The following EMCN variants were observed in gnomAD, a reference collection of about 807,000 sequenced individuals.
EMCN encodes MUC-14.
In EMCN, 37 loss-of-function variants were observed where a neutral mutation model predicts 38.4. The ratio of observed to expected loss-of-function variants is 0.96; its 90% CI spans 0.74 to 1.27. The LOEUF (loss-of-function observed/expected upper bound fraction) is 1.27, where lower values mean the gene tolerates loss of function less well. Among genes scored for constraint, EMCN ranks in the 50% most tolerant of loss-of-function variants. The pLI is 0.00. For synonymous variants in EMCN, 95 were observed against 100.8 expected (o/e 0.94, Z 0.35); for missense variants, 318 against 302.8 (o/e 1.05, Z -0.37).
At chr4:100,423,549 T>G in intron 5 of EMCN, 145 bp from the exon 6 acceptor site, 1 of 625,958 alleles carries the variant, frequency 1.6e-6, no homozygotes, top group Non-Finnish European at 2.9e-6. Flanking sequence ...ATCATAACAC[T>G]AAACCATAAG....
chr4:100,442,043 T>A (rs1167168266), intron 5 of EMCN, among the ~76,000 whole-genome samples: 1 of 152,174 alleles, frequency 6.6e-6, no homozygotes, highest in Non-Finnish European at 1.5e-5. Context: ...AGATTCCCAT[T>A]TGAAGAACTC....
intron 5 of EMCN, among the ~76,000 whole-genome samples, chr4:100,433,371 CTT>C (rs1272896197): frequency 3.3e-5 from 5 of 152,124 alleles, no homozygotes; most frequent in East Asian, 1.9e-4. Context: ...TTAACAGACA[CTT>C]TTAGTTTCTA....
intron 5 of EMCN, among the ~76,000 whole-genome samples, chr4:100,429,913 T>C (rs1185249045): frequency 3.3e-5 from 5 of 152,118 alleles, no homozygotes; most frequent in Non-Finnish European, 7.4e-5. Context: ...AAGCCAAATA[T>C]GACTCAAAAC....
At position 100,517,862 on chromosome 4, in the gene EMCN, C is replaced by T. The variant is rs1729799608; in HGVS notation, c.53G>A (p.Ser18Asn). The T allele has an allele frequency of 6.2e-7, 1 of 1,612,676 alleles. No individual in the cohort carries two copies. The highest frequency in any genetic ancestry group is 8.5e-7 in the Non-Finnish European group (1 of 1,178,956). ...AGAGACAAAAATACCTGTGCTGTTA[C>T]TGCTGCAAATACTGGGCAGAAGAAA... is the stretch of plus-strand genomic sequence containing the variant. ...ILFLLPSICSSNSTGVLEAAN... is the reference protein window; with the variant it reads ...ILFLLPSICSNNSTGVLEAAN... The change falls in exon 1 of 12, where the codon AGT becomes AAT. Residue 18 changes from serine to asparagine, a missense_variant. Physicochemically the swap from Ser to Asn is conservative, Grantham distance 46. Coordinates refer to ENST00000296420, the MANE Select transcript of EMCN (RefSeq NM_016242.4).
At chr4:100,447,662 T>C (rs903110232) in intron 4 of EMCN, 91 bp from the exon 5 acceptor site, 5 of 745,246 alleles carry the variant, frequency 6.7e-6, no homozygotes, top group Admixed American at 4.9e-5. Flanking sequence ...TAAATGAGTA[T>C]GAATTTTAGC....
intron 1 of EMCN, among the ~76,000 whole-genome samples, chr4:100,495,004 AT>A (rs145986108): frequency 0.057 from 8,654 of 151,926 alleles, 315 homozygotes; most frequent in Middle Eastern, 0.082. Flanking sequence ...GCTAATGTGA[AT>A]TTAAAAAAAA....
intron 3 of EMCN, among the ~76,000 whole-genome samples, chr4:100,468,517 A>G (rs1375639566): frequency 6.6e-6 from 1 of 152,166 alleles, no homozygotes; most frequent in African/African-American, 2.4e-5. Flanking sequence ...TCTGATGCCC[A>G]TAGGAAAAAT....
At chr4:100,424,237 T>A (rs1243201845) in intron 5 of EMCN, among the ~76,000 whole-genome samples, 1 of 152,144 alleles carries the variant, frequency 6.6e-6, no homozygotes, top group Non-Finnish European at 1.5e-5. Context: ...AATTTGTACT[T>A]AGAAAACTTT....
rs1000162248 is a variant in EMCN at position 100,482,678 on chromosome 4, G to T, written c.65-2639C>A. On this transcript the variant is annotated intron_variant, in intron 1 of 11. Coordinates refer to ENST00000296420, the MANE Select transcript of EMCN (RefSeq NM_016242.4). ...AACTGTAGAGGACCATGAACACCCA[G>T]ACCAAGATTTAAGATTTTATCAAGT... is the stretch of plus-strand genomic sequence containing the variant. Among the ~76,000 whole-genome samples the T allele has an allele frequency of 1.1e-4, 16 of 152,064 alleles. No homozygotes were observed. The East Asian group carries it at 2.9e-3, about 28-fold the overall frequency.
At chr4:100,437,203 C>A (rs1727379558) in intron 5 of EMCN, among the ~76,000 whole-genome samples, 1 of 152,168 alleles carries the variant, frequency 6.6e-6, no homozygotes, top group Non-Finnish European at 1.5e-5. Flanking sequence ...TTTGCATGCA[C>A]ATGTTGGCAA....
intron 11 of EMCN, among the ~76,000 whole-genome samples, chr4:100,409,537 A>T (rs1166350732): frequency 6.6e-6 from 1 of 152,154 alleles, no homozygotes; most frequent in Non-Finnish European, 1.5e-5. Flanking sequence ...ATTGATTCAC[A>T]ATTATTGTAG....
At chr4:100,398,608 C>T (rs1214336286) in intron 11 of EMCN, among the ~76,000 whole-genome samples, 2 of 152,118 alleles carry the variant, frequency 1.3e-5, no homozygotes, top group African/African-American at 4.8e-5. Context: ...TTCACAATCT[C>T]AATCTTTGGT....
intron 1 of EMCN, among the ~76,000 whole-genome samples, chr4:100,491,208 C>A (rs1201239962): frequency 6.6e-6 from 1 of 152,050 alleles, no homozygotes; most frequent in Non-Finnish European, 1.5e-5. Context: ...TGTGGGGGAT[C>A]AAATATAAAA....
chr4:100,426,748 A>AT (rs930549044), intron 5 of EMCN, among the ~76,000 whole-genome samples: 2 of 151,786 alleles, frequency 1.3e-5, no homozygotes, highest in Non-Finnish European at 2.9e-5. Context: ...TTTATTTTCC[A>AT]TTTTTTTTGG....
At chr4:100,513,057 A>AT (rs896286832) in intron 1 of EMCN, among the ~76,000 whole-genome samples, 1 of 152,050 alleles carries the variant, frequency 6.6e-6, no homozygotes, top group Non-Finnish European at 1.5e-5. Context: ...TTAAATATTC[A>AT]TTTTTTTCTT....
At chr4:100,417,205 C>A (rs1726761529) in intron 8 of EMCN, 64 bp from the exon 9 acceptor site, 1 of 1,331,594 alleles carries the variant, frequency 7.5e-7, no homozygotes, top group East Asian at 2.3e-5. Flanking sequence ...TATGAGCAAG[C>A]CCCTCTAACC....
intron 4 of EMCN, among the ~76,000 whole-genome samples, chr4:100,456,154 T>C (rs993177746): frequency 1.3e-5 from 2 of 152,156 alleles, no homozygotes; most frequent in African/African-American, 2.4e-5. Flanking sequence ...TGAAATTGTA[T>C]GTATCTTAGG....
chr4:100,418,582 C>G (rs907721664), intron 8 of EMCN, among the ~76,000 whole-genome samples: 2 of 152,012 alleles, frequency 1.3e-5, no homozygotes, highest in African/African-American at 4.8e-5. Context: ...CTTCTACTCT[C>G]TAGCTCCATG....
chr4:100,452,326 T>C (rs1727866435), intron 4 of EMCN, among the ~76,000 whole-genome samples: 1 of 152,100 alleles, frequency 6.6e-6, no homozygotes, highest in Non-Finnish European at 1.5e-5. Flanking sequence ...AATAGCATAC[T>C]GGTTGATTAT....
Sources: allele counts gnomAD v4.1 joint callset (sites outside exome capture counted in the v4.1 genomes callset), GRCh38; gene constraint gnomAD v4.1.1; transcripts MANE v1.5; gene names NCBI Gene and HGNC (gene_info 2026-07-23, HGNC 2026-07-21).